Variants in PLCB4 observed in about 807,000 individuals in gnomAD.
The protein encoded by PLCB4 is 1-phosphatidylinositol 4,5-bisphosphate phosphodiesterase beta-4.
A neutral mutation model predicts 178.8 loss-of-function variants in PLCB4; 77 were observed. That is an observed-to-expected ratio of 0.43 (90% CI 0.36 to 0.52). The LOEUF (loss-of-function observed/expected upper bound fraction) is 0.52, where lower values mean the gene tolerates loss of function less well. Among genes scored for constraint, PLCB4 ranks in the 20% least tolerant of loss-of-function variants. The pLI is 0.00. For missense variants in PLCB4, 1,024 were observed against 1,453.4 expected (o/e 0.70, Z 4.80); for synonymous variants, 496 against 490.8 (o/e 1.01, Z -0.14).
intron 3 of PLCB4, among the ~76,000 whole-genome samples, chr20:9,301,018 G>T (rs148096551): frequency 5.7e-4 from 86 of 151,780 alleles, no homozygotes; most frequent in African/African-American, 2.0e-3. Flanking sequence ...CCTTCTGGTG[G>T]CTGCCAACTC....
At chr20:9,161,232 T>C (rs1437518796) in intron 2 of PLCB4, among the ~76,000 whole-genome samples, 1 of 152,230 alleles carries the variant, frequency 6.6e-6, no homozygotes, top group Non-Finnish European at 1.5e-5. Flanking sequence ...GCAGCTTATT[T>C]GATTTGAAAA....
chr20:9,291,685 G>A (rs187357905), intron 3 of PLCB4, among the ~76,000 whole-genome samples: 4 of 152,134 alleles, frequency 2.6e-5, no homozygotes, highest in African/African-American at 9.6e-5. Context: ...ACTTCAGGTG[G>A]AACAATTTTG....
At chr20:9,139,805 T>A (rs1408225236) in intron 2 of PLCB4, among the ~76,000 whole-genome samples, 1 of 152,120 alleles carries the variant, frequency 6.6e-6, no homozygotes, top group African/African-American at 2.4e-5. Context: ...GAATTGCCTA[T>A]AGCCTCTGTG....
At chr20:9,186,461 T>G (rs563081773) in intron 2 of PLCB4, among the ~76,000 whole-genome samples, 2 of 152,268 alleles carry the variant, frequency 1.3e-5, no homozygotes, top group East Asian at 1.9e-4. Context: ...GGAAAAATAA[T>G]CATGTACTTT....
At chr20:9,342,791 C>A (rs2033379943) in intron 7 of PLCB4, among the ~76,000 whole-genome samples, 3 of 151,798 alleles carry the variant, frequency 2.0e-5, no homozygotes, top group African/African-American at 7.3e-5. Context: ...AGTTCTGTGA[C>A]TTTTTTCCCT....
rs1438402078 is a variant in PLCB4, at chr20:9,313,341, G to A, written c.84+5443G>A. 2.0e-5 allele frequency among the ~76,000 whole-genome samples: 3 copies of A among 152,280 alleles called. No homozygotes were observed. The South Asian group carries it at 6.2e-4, about 32-fold the overall frequency. ...ACCTTTATCTATTTAAAGTAAGGGT[G>A]CCAGACAGATGCTGGAAATTAGAAG... On this transcript the variant is annotated intron_variant, in intron 4 of 39. Transcript: ENST00000378473.
chr20:9,192,427 G>C (rs1288827992), intron 2 of PLCB4, among the ~76,000 whole-genome samples: 1 of 152,048 alleles, frequency 6.6e-6, no homozygotes. Context: ...GTTCATGAAT[G>C]TGTGACCTGT....
intron 2 of PLCB4, among the ~76,000 whole-genome samples, chr20:9,177,822 C>T (rs1244347103): frequency 6.6e-6 from 1 of 152,114 alleles, no homozygotes; most frequent in African/African-American, 2.4e-5. Flanking sequence ...TACGTATACC[C>T]TTTCTTAAAA....
At chr20:9,209,668 C>A (rs1394552463) in intron 2 of PLCB4, among the ~76,000 whole-genome samples, 1 of 152,056 alleles carries the variant, frequency 6.6e-6, no homozygotes, top group African/African-American at 2.4e-5. Context: ...CCTGAGTGAA[C>A]TTGTAAGCAC....
chr20:9,112,808 G>A (rs1471674459), intron 2 of PLCB4, among the ~76,000 whole-genome samples: 1 of 152,048 alleles, frequency 6.6e-6, no homozygotes, highest in East Asian at 1.9e-4. Flanking sequence ...TTTATAGAGA[G>A]TATGCAGATT....
At chr20:9,166,060 A>G (rs2092965539) in intron 2 of PLCB4, among the ~76,000 whole-genome samples, 1 of 152,164 alleles carries the variant, frequency 6.6e-6, no homozygotes, top group African/African-American at 2.4e-5. Context: ...AAAAACAGTA[A>G]AAGATGCCAG....
At chr20:9,391,593 T>G (rs1004365376) in intron 17 of PLCB4, among the ~76,000 whole-genome samples, 2 of 152,236 alleles carry the variant, frequency 1.3e-5, no homozygotes, top group Non-Finnish European at 2.9e-5. Context: ...CTGTATCCTT[T>G]GTCCCCCTTC....
Position 9,437,170 on chromosome 20 carries a change from G to A in PLCB4, c.2764+18G>A. On this transcript the variant is annotated intron_variant, in intron 30 of 39. Transcript: ENST00000378473. ...CAAGAAAGGTGAGAGAGAGCCGTTG[G>A]GTTCCTTATCTTCTGCACCCACCTT... The A allele has an allele frequency of 6.2e-7, 1 of 1,610,172 alleles. No individual in the cohort carries two copies. Among genetic ancestry groups the A allele is most frequent in the Non-Finnish European group, 8.5e-7 (1 of 1,177,490 alleles).
At chr20:9,222,723 A>G (rs2093815138) in intron 3 of PLCB4, among the ~76,000 whole-genome samples, 1 of 152,184 alleles carries the variant, frequency 6.6e-6, no homozygotes, top group South Asian at 2.1e-4. Context: ...AACGGCTTTC[A>G]AGACTAGCCA....
chr20:9,454,053 T>A (rs80188871), intron 33 of PLCB4, among the ~76,000 whole-genome samples: 19,730 of 152,248 alleles, frequency 0.13, 1,314 homozygotes, highest in East Asian at 0.16. Flanking sequence ...GTCATCTCAG[T>A]ATGTGATAAT....
chr20:9,319,753 T>A (rs2094938477), intron 4 of PLCB4, among the ~76,000 whole-genome samples: 1 of 152,202 alleles, frequency 6.6e-6, no homozygotes, highest in Admixed American at 6.5e-5. Flanking sequence ...ATTCGGCAGA[T>A]CTTCTTTATT....
chr20:9,323,854 C>T (rs1230513878), intron 4 of PLCB4, among the ~76,000 whole-genome samples: 1 of 152,196 alleles, frequency 6.6e-6, no homozygotes, highest in Non-Finnish European at 1.5e-5. Context: ...CAGCTGCAAT[C>T]CAGCAATGTT....
At chr20:9,214,678 A>G (rs564851539) in intron 2 of PLCB4, among the ~76,000 whole-genome samples, 1 of 152,192 alleles carries the variant, frequency 6.6e-6, no homozygotes, top group East Asian at 1.9e-4. Context: ...CCAGAATAAT[A>G]GTATTTGAAA....
At chr20:9,161,069 T>C (rs2092880032) in intron 2 of PLCB4, among the ~76,000 whole-genome samples, 1 of 152,160 alleles carries the variant, frequency 6.6e-6, no homozygotes, top group African/African-American at 2.4e-5. Context: ...TAAATATAAA[T>C]TATTTTTGAG....
Sources: gnomAD v4.1 joint callset for allele counts (sites outside exome capture counted in the v4.1 genomes callset) on GRCh38, gnomAD v4.1.1 for gene constraint, MANE v1.5 for transcripts, NCBI Gene and HGNC (gene_info 2026-07-23, HGNC 2026-07-21) for gene names.